Variants in ROBO1 observed in about 807,000 individuals in gnomAD.
ROBO1 encodes roundabout guidance receptor 1, also known as roundabout homolog 1.
ROBO1 carries 149 observed loss-of-function variants against 195.9 expected under a neutral mutation model. That is an observed-to-expected ratio of 0.76 (90% confidence interval 0.67 to 0.87). The LOEUF (loss-of-function observed/expected upper bound fraction) is 0.87, where lower values mean the gene tolerates loss of function less well. Among genes scored for constraint, ROBO1 ranks in the 40% least tolerant of loss-of-function variants. ROBO1 has a pLI of 0.00. For synonymous variants in ROBO1, 816 were observed against 733.2 expected (o/e 1.11, Z -1.82); for missense variants, 1,933 against 2,068.3 (o/e 0.93, Z 1.27).
intron 2 of ROBO1, among the ~76,000 whole-genome samples, chr3:79,509,544 T>G (rs369700032): frequency 3.3e-5 from 5 of 152,196 alleles, no homozygotes; most frequent in African/African-American, 1.2e-4. Context: ...TAAAAATATT[T>G]CCGCCTTAAT....
intron 2 of ROBO1, among the ~76,000 whole-genome samples, chr3:79,440,973 T>TA (rs939975254): frequency 2.8e-4 from 43 of 152,052 alleles, no homozygotes; most frequent in Non-Finnish European, 6.0e-4. Flanking sequence ...AAACCATAAA[T>TA]AAAAAAACAT....
At chr3:78,671,786 T>C (rs1708079537) in intron 10 of ROBO1, among the ~76,000 whole-genome samples, 1 of 152,144 alleles carries the variant, frequency 6.6e-6, no homozygotes, top group Non-Finnish European at 1.5e-5. Flanking sequence ...TGATTATAAT[T>C]AAGTCCAGTA....
chr3:78,645,211 C>A (rs945386414), intron 21 of ROBO1, among the ~76,000 whole-genome samples: 2 of 152,010 alleles, frequency 1.3e-5, no homozygotes, highest in African/African-American at 2.4e-5. Context: ...AGGTGGTCAA[C>A]CTTCTTTTTT....
intron 4 of ROBO1, among the ~76,000 whole-genome samples, chr3:78,852,899 A>G (rs959240059): frequency 6.6e-6 from 1 of 152,178 alleles, no homozygotes; most frequent in African/African-American, 2.4e-5. Context: ...TGGCCAACAG[A>G]TACTATTCAC....
chr3:78,958,332 G>A (rs2041150231), intron 3 of ROBO1, among the ~76,000 whole-genome samples: 1 of 152,058 alleles, frequency 6.6e-6, no homozygotes, highest in African/African-American at 2.4e-5. Context: ...AAAGGGCTTT[G>A]AACTAAAACA....
At chr3:79,168,087 G>T (rs1023746449) in intron 2 of ROBO1, among the ~76,000 whole-genome samples, 4 of 152,122 alleles carry the variant, frequency 2.6e-5, no homozygotes, top group Non-Finnish European at 5.9e-5. Flanking sequence ...ATAGATTCAG[G>T]CAATCTGCAC....
intron 2 of ROBO1, among the ~76,000 whole-genome samples, chr3:79,321,415 C>T (rs1442315617): frequency 2.6e-5 from 4 of 152,104 alleles, no homozygotes; most frequent in Non-Finnish European, 5.9e-5. Context: ...GCTCTGATTG[C>T]TTTTATTTGT....
At chr3:78,735,527 T>C (rs1053555357) in intron 5 of ROBO1, among the ~76,000 whole-genome samples, 14 of 152,160 alleles carry the variant, frequency 9.2e-5, no homozygotes, top group African/African-American at 3.4e-4. Context: ...ACCTCCAATA[T>C]TCAGTCATTT....
intron 2 of ROBO1, among the ~76,000 whole-genome samples, chr3:79,557,735 CAA>C (rs1361235757): frequency 2.8e-5 from 3 of 108,540 alleles, no homozygotes; most frequent in Non-Finnish European, 3.6e-5. Flanking sequence ...TGTCTTAAAA[CAA>C]AAAAAAATAT....
intron 3 of ROBO1, among the ~76,000 whole-genome samples, chr3:79,011,682 T>C (rs2077782147): frequency 2.7e-5 from 4 of 148,668 alleles, no homozygotes; most frequent in African/African-American, 9.8e-5. Flanking sequence ...TATATAAATA[T>C]ATATGTTTTT....
chr3:79,118,598 G>A (rs192147559), intron 3 of ROBO1, among the ~76,000 whole-genome samples: 269 of 152,096 alleles, frequency 1.8e-3, no homozygotes, highest in Non-Finnish European at 3.1e-3. Context: ...GGCTGGGCGC[G>A]GTGGCTCACG....
At chr3:79,507,630 CTG>C (rs1307885372) in intron 2 of ROBO1, among the ~76,000 whole-genome samples, 1 of 152,132 alleles carries the variant, frequency 6.6e-6, no homozygotes, top group Non-Finnish European at 1.5e-5. Flanking sequence ...TTTTGCAAGT[CTG>C]TGTATATCCA....
At chr3:79,749,953 T>C (rs1704055164) in intron 1 of ROBO1, among the ~76,000 whole-genome samples, 1 of 152,124 alleles carries the variant, frequency 6.6e-6, no homozygotes, top group Non-Finnish European at 1.5e-5. Flanking sequence ...ATCCTCCAGA[T>C]CCCAGAATGG....
At chr3:79,028,508 T>C (rs1482219159) in intron 3 of ROBO1, among the ~76,000 whole-genome samples, 2 of 151,976 alleles carry the variant, frequency 1.3e-5, no homozygotes, top group Non-Finnish European at 2.9e-5. Context: ...TTTCTAATCC[T>C]GTGAAGGTGT....
intron 2 of ROBO1, among the ~76,000 whole-genome samples, chr3:79,270,772 T>G (rs943051505): frequency 1.3e-5 from 2 of 151,918 alleles, no homozygotes; most frequent in Non-Finnish European, 2.9e-5. Context: ...GTTGGTTAAT[T>G]GCATCTCTCT....
intron 4 of ROBO1, among the ~76,000 whole-genome samples, chr3:78,908,577 T>A (rs2038063969): frequency 6.6e-6 from 1 of 151,984 alleles, no homozygotes; most frequent in Non-Finnish European, 1.5e-5. Context: ...TACCACTTTC[T>A]GTGCTCATTA....
At chr3:79,300,161 C>T (rs546956719) in intron 2 of ROBO1, among the ~76,000 whole-genome samples, 1 of 152,292 alleles carries the variant, frequency 6.6e-6, no homozygotes, top group East Asian at 1.9e-4. Context: ...GTGTGGGAGC[C>T]CCTTCCTGGG....
At chr3:79,155,025 C>A (rs1273608596) in intron 2 of ROBO1, among the ~76,000 whole-genome samples, 1 of 151,774 alleles carries the variant, frequency 6.6e-6, no homozygotes, top group Non-Finnish European at 1.5e-5. Context: ...AACTACAGCT[C>A]TGCTCGGGTA....
chr3:79,293,796 T>C (rs904217555), intron 2 of ROBO1, among the ~76,000 whole-genome samples: 4 of 152,002 alleles, frequency 2.6e-5, no homozygotes, highest in South Asian at 2.1e-4. Context: ...CGGTGGCTCA[T>C]GCCTGTAATC....
Sources: gnomAD v4.1 joint callset for allele counts (sites outside exome capture counted in the v4.1 genomes callset) on GRCh38, gnomAD v4.1.1 for gene constraint, MANE v1.5 for transcripts, NCBI Gene and HGNC (gene_info 2026-07-23, HGNC 2026-07-21) for gene names.